Variants in PTPRM observed in about 807,000 individuals in gnomAD.
PTPRM encodes the protein protein tyrosine phosphatase receptor type M.
PTPRM carries 47 observed loss-of-function variants against 186.7 expected under a neutral mutation model. The ratio of observed to expected loss-of-function variants is 0.25; its 90% CI spans 0.20 to 0.32. The LOEUF (loss-of-function observed/expected upper bound fraction) is 0.32, where lower values mean the gene tolerates loss of function less well. Ranked by LOEUF, PTPRM falls within the 10% of genes least tolerant of loss-of-function variation. The pLI is 1.00. For missense variants in PTPRM, 1,494 were observed against 1,865.0 expected, an observed-to-expected ratio of 0.80 and a Z score of 3.66; for synonymous variants, 668 against 674.9, an observed-to-expected ratio of 0.99 and a Z score of 0.16.
At chr18:7,829,104 C>G (rs2045635742) in intron 2 of PTPRM, among the ~76,000 whole-genome samples, 1 of 152,058 alleles carries the variant, frequency 6.6e-6, no homozygotes, top group Non-Finnish European at 1.5e-5. Context: ...TTTGGACTAT[C>G]TGCATCATTT....
intron 2 of PTPRM, among the ~76,000 whole-genome samples, chr18:7,807,863 ATGTTACCGTTGGTTAAATGGGTGTAGGTT>A (rs1217006564): frequency 6.6e-6 from 1 of 152,200 alleles, no homozygotes; most frequent in African/African-American, 2.4e-5. Flanking sequence ...AGTCTATGTA[ATGTTACCGTTGGTTAAATGGGTGTAGGTT>A]TTGCCCCCCA....
At chr18:8,296,713 GA>G (rs2095100713) in intron 20 of PTPRM, among the ~76,000 whole-genome samples, 1 of 152,142 alleles carries the variant, frequency 6.6e-6, no homozygotes, top group Non-Finnish European at 1.5e-5. Flanking sequence ...TGCTGAGAAG[GA>G]AAATGCATTT....
intron 7 of PTPRM, among the ~76,000 whole-genome samples, chr18:7,963,964 C>A (rs559634688): frequency 6.6e-6 from 1 of 152,304 alleles, no homozygotes; most frequent in African/African-American, 2.4e-5. Context: ...AAGACATCTA[C>A]TAAATCTGCT....
chr18:8,216,163 T>C (rs2094082299), intron 14 of PTPRM, among the ~76,000 whole-genome samples: 1 of 152,216 alleles, frequency 6.6e-6, no homozygotes, highest in African/African-American at 2.4e-5. Context: ...AAAAACCTGG[T>C]CATTCTATTT....
intron 14 of PTPRM, among the ~76,000 whole-genome samples, chr18:8,163,451 G>A (rs75564304): frequency 6.6e-6 from 1 of 152,014 alleles, no homozygotes; most frequent in East Asian, 1.9e-4. Context: ...TATAATTAGC[G>A]GGAAGTGTCC....
chr18:7,809,886 T>G (rs2044420755), intron 2 of PTPRM, among the ~76,000 whole-genome samples: 1 of 152,144 alleles, frequency 6.6e-6, no homozygotes, highest in Non-Finnish European at 1.5e-5. Context: ...ACAAGTGCCT[T>G]AAGGGATAGG....
intron 22 of PTPRM, among the ~76,000 whole-genome samples, chr18:8,333,466 T>C (rs1255815217): frequency 6.6e-6 from 1 of 152,220 alleles, no homozygotes; most frequent in Non-Finnish European, 1.5e-5. Context: ...TGTAAAATTA[T>C]AGACTTAAGT....
At chr18:8,138,277 C>T (rs2146038124) in intron 13 of PTPRM, among the ~76,000 whole-genome samples, 1 of 151,700 alleles carries the variant, frequency 6.6e-6, no homozygotes, top group East Asian at 2.0e-4. Flanking sequence ...CAGGGCTCTG[C>T]ATGCTCTTGG....
chr18:7,618,085 TTAA>T (rs34642493), intron 1 of PTPRM, among the ~76,000 whole-genome samples: 4,912 of 152,278 alleles, frequency 0.032, 259 homozygotes, highest in African/African-American at 0.11. Flanking sequence ...TATTCCACTG[TTAA>T]TAAGAACATT....
At chr18:8,370,189 CA>C (rs11288424) in intron 23 of PTPRM, among the ~76,000 whole-genome samples, 72,351 of 121,720 alleles carry the variant, frequency 0.59, 19,240 homozygotes, top group East Asian at 0.81. Flanking sequence ...ACATTCTTAC[CA>C]AAAAAAAAAA....
At chr18:8,250,143 C>T (rs972086084) in intron 17 of PTPRM, among the ~76,000 whole-genome samples, 1 of 152,132 alleles carries the variant, frequency 6.6e-6, no homozygotes, top group Non-Finnish European at 1.5e-5. Context: ...CCTTCAGCTC[C>T]ACCTCTCTCA....
chr18:8,095,749 A>G (rs1216443202), intron 11 of PTPRM, among the ~76,000 whole-genome samples: 1 of 152,084 alleles, frequency 6.6e-6, no homozygotes, highest in Non-Finnish European at 1.5e-5. Context: ...TAGAAATAGG[A>G]TTTAGAGAAA....
chr18:7,742,196 G>T (rs979384128), intron 1 of PTPRM, among the ~76,000 whole-genome samples: 1 of 152,108 alleles, frequency 6.6e-6, no homozygotes, highest in African/African-American at 2.4e-5. Flanking sequence ...TATTTTTAAG[G>T]CATTATATAC....
At chr18:8,272,220 A>G (rs187746449) in intron 19 of PTPRM, among the ~76,000 whole-genome samples, 27 of 151,536 alleles carry the variant, frequency 1.8e-4, no homozygotes, top group South Asian at 8.3e-4. Flanking sequence ...AAAAAAAAAA[A>G]AAAGAAAGAA....
At chr18:8,355,537 C>T (rs974869684) in intron 23 of PTPRM, among the ~76,000 whole-genome samples, 1 of 151,960 alleles carries the variant, frequency 6.6e-6, no homozygotes, top group Non-Finnish European at 1.5e-5. Flanking sequence ...TGACAGAGAG[C>T]CCCAAAGGAT....
At chr18:7,787,258 G>A (rs2145161422) in intron 2 of PTPRM, among the ~76,000 whole-genome samples, 1 of 152,214 alleles carries the variant, frequency 6.6e-6, no homozygotes, top group South Asian at 2.1e-4. Flanking sequence ...AATGTGTTTG[G>A]TGTTAGACCC....
intron 14 of PTPRM, among the ~76,000 whole-genome samples, chr18:8,163,305 T>C (rs531501393): frequency 6.6e-6 from 1 of 152,358 alleles, no homozygotes; most frequent in South Asian, 2.1e-4. Context: ...TTTTTTAACC[T>C]GGAACTTTCA....
intron 14 of PTPRM, among the ~76,000 whole-genome samples, chr18:8,212,885 G>A (rs555692936): frequency 7.2e-5 from 11 of 152,214 alleles, no homozygotes; most frequent in East Asian, 1.9e-4. Flanking sequence ...CCCACCACCC[G>A]TCTCCATTCC....
chr18:8,021,504 A>AT (rs35158561), intron 7 of PTPRM, among the ~76,000 whole-genome samples: 98,498 of 151,344 alleles, frequency 0.65, 32,377 homozygotes, highest in African/African-American at 0.74. Context: ...ATTTGTCCTA[A>AT]GCTCTCCCTC....
Sources: gnomAD v4.1 joint callset for allele counts (sites outside exome capture counted in the v4.1 genomes callset) on GRCh38, gnomAD v4.1.1 for gene constraint, MANE v1.5 for transcripts, NCBI Gene and HGNC (gene_info 2026-07-23, HGNC 2026-07-21) for gene names.